Variants in C9orf72 observed in about 807,000 individuals in gnomAD.
C9orf72 encodes C9orf72-SMCR8 complex subunit.
C9orf72 carries 44 observed loss-of-function variants against 51.6 expected under a neutral mutation model. The observed-to-expected ratio is 0.85, with a 90% confidence interval of 0.67 to 1.10. The LOEUF (loss-of-function observed/expected upper bound fraction) is 1.10, where lower values mean the gene tolerates loss of function less well. Among genes scored for constraint, C9orf72 ranks in the 50% least tolerant of loss-of-function variants. C9orf72 has a pLI of 0.00. For synonymous variants in C9orf72, 213 were observed against 194.2 expected, an observed-to-expected ratio of 1.10 and a Z score of -0.81; for missense variants, 607 against 570.6, an observed-to-expected ratio of 1.06 and a Z score of -0.65.
At chr9:27,553,513 T>C (rs1009676089) in intron 8 of C9orf72, among the ~76,000 whole-genome samples, 1 of 152,098 alleles carries the variant, frequency 6.6e-6, no homozygotes, top group African/African-American at 2.4e-5. Context: ...GCCATAGGAA[T>C]TGGAGTGAAA....
chr9:27,570,954 T>C (rs1320023783), intron 1 of C9orf72, among the ~76,000 whole-genome samples: 2 of 152,088 alleles, frequency 1.3e-5, no homozygotes, highest in African/African-American at 2.4e-5. Context: ...TAGTTTTAAA[T>C]CCTACCAAAA....
At chr9:27,559,533 A>G (rs1819290773) in intron 6 of C9orf72, 1 of 152,164 alleles carries the variant, frequency 6.6e-6, no homozygotes, top group Non-Finnish European at 1.5e-5. Context: ...AATTATGAAT[A>G]TCTTTGTAAA....
intron 3 of C9orf72, among the ~76,000 whole-genome samples, chr9:27,563,793 TGTTTTTA>T (rs1819405081): frequency 6.6e-6 from 1 of 152,186 alleles, no homozygotes; most frequent in Non-Finnish European, 1.5e-5. Context: ...AACTATTCAC[TGTTTTTA>T]GTTTTTAAAG....
chr9:27,565,441 T>C, intron 3 of C9orf72, 90 bp downstream of exon 3: 1 of 760,032 alleles, frequency 1.3e-6, no homozygotes, highest in South Asian at 1.8e-5. Context: ...CTTATTCGTA[T>C]GTCTCCAAGG....
rs568893115 is a variant in C9orf72, at chr9:27,561,356, T to A, written c.665+229A>T. 4 of 1,277,760 alleles carry A rather than the reference T, an allele frequency of 3.1e-6. No individual in the cohort carries two copies. The South Asian group carries it at 7.9e-5, about 25-fold the overall frequency. The allele number at this position is 1,277,760 out of a possible 1,614,324, so 79.2% of individuals were successfully genotyped here. ...TCAAGCAAGGGGCCATGATTTCTTG[T>A]CTGGGATGGAAACTCGGTTTCTTTA... On this transcript the variant is annotated intron_variant, in intron 5 of 10. Coordinates refer to ENST00000380003, the MANE Select transcript of C9orf72 (RefSeq NM_018325.5).
At chr9:27,561,309 GAAGT>G (rs1819341180) in intron 5 of C9orf72, 2 of 1,201,224 alleles carry the variant, frequency 1.7e-6, no homozygotes, top group South Asian at 4.1e-5. Flanking sequence ...GCTTTAATGA[GAAGT>G]AAAACAAGAA....
rs1255451297 is a variant in C9orf72, at chr9:27,560,882, A to G, written c.666-583T>C. On this transcript the variant is annotated intron_variant, in intron 5 of 10. Transcript: ENST00000380003. ...ACAGAATATAAGATAATACATGTAA[A>G]GCAACTAGTAAAGGAACTAACATGT... The G allele has an allele frequency of 3.5e-5, 20 of 567,052 alleles. No individual in the cohort carries two copies. The Admixed American group carries it at 1.3e-3, about 36-fold the overall frequency. 35.1% of individuals were successfully genotyped at this position (567,052 alleles called of 1,614,324 possible).
intron 6 of C9orf72, 200 bp from the exon 7 acceptor site, chr9:27,558,807 T>C (rs1819271802): frequency 8.6e-6 from 4 of 467,234 alleles, no homozygotes; most frequent in Non-Finnish European, 1.5e-5. Flanking sequence ...ATTTAGAAAA[T>C]GCTTGGTAAA....
In C9orf72 at chr9:27,558,505, G is replaced by C; in HGVS notation, c.841C>G (p.Gln281Glu). 1 of 1,582,670 alleles carries C rather than the reference G, an allele frequency of 6.3e-7. No individual in the cohort carries two copies. The highest frequency in any genetic ancestry group is 8.6e-7 in the Non-Finnish European group (1 of 1,158,446). Residue 281 changes from glutamine (Q) to glutamate (E), a missense_variant, in exon 7 of 11, where the codon CAA becomes GAA. Coordinates refer to ENST00000380003, the MANE Select transcript of C9orf72 (RefSeq NM_018325.5). Reference sequence around the variant, plus strand: ...AGAAACTATACCTTTAGCAGGCCTTGTACAAAGAGCCCTGACTCATATTTA... The same window carrying C: ...AGAAACTATACCTTTAGCAGGCCTTCTACAAAGAGCCCTGACTCATATTTA... ...SFKYESGLFV[Q>E]GLLKDSTGSF...
intron 1 of C9orf72, among the ~76,000 whole-genome samples, chr9:27,569,966 A>T (rs778539676): frequency 9.8e-4 from 150 of 152,362 alleles, no homozygotes; most frequent in Non-Finnish European, 1.7e-3. Context: ...ACAGAGCATT[A>T]GATGAGTGCT....
upstream of C9orf72, chr9:27,573,545 C>A: frequency 6.9e-6 from 1 of 145,496 alleles, no homozygotes; most frequent in South Asian, 2.0e-4. Flanking sequence ...GGCCCCGGCC[C>A]CTAGCGCGCG....
At chr9:27,561,678 AGTCTGGCTGT>A (rs1819353673) in intron 4 of C9orf72, 29 bp from the exon 5 acceptor site, 1 of 1,417,414 alleles carries the variant, frequency 7.1e-7, no homozygotes. Context: ...TAAAAAAATT[AGTCTGGCTGT>A]AACATAGTGT....
At chr9:27,562,343 A>C in intron 4 of C9orf72, 38 bp downstream of exon 4, 1 of 1,043,604 alleles carries the variant, frequency 9.6e-7, no homozygotes, top group Non-Finnish European at 1.4e-6. Flanking sequence ...AACCCCAAAA[A>C]ACTCATAAAG....
At chr9:27,568,337 T>C (rs905442612) in intron 1 of C9orf72, among the ~76,000 whole-genome samples, 3 of 152,166 alleles carry the variant, frequency 2.0e-5, no homozygotes, top group Non-Finnish European at 4.4e-5. Flanking sequence ...TTTAAAAGCT[T>C]TAGTTATTTA....
At chr9:27,565,716 A>T in intron 2 of C9orf72, 126 bp from the exon 3 acceptor site, 1 of 620,504 alleles carries the variant, frequency 1.6e-6, no homozygotes. Flanking sequence ...TTTAGGGAAA[A>T]AATGGGGGCA....
At chr9:27,556,350 A>T (rs1047384688) in intron 8 of C9orf72, 1 of 575,510 alleles carries the variant, frequency 1.7e-6, no homozygotes, top group African/African-American at 1.9e-5. Flanking sequence ...ATTTACTTTA[A>T]GGGTTAATCT....
At chr9:27,549,218 T>A (rs1563898276) in intron 9 of C9orf72, among the ~76,000 whole-genome samples, 1 of 152,224 alleles carries the variant, frequency 6.6e-6, no homozygotes, top group Non-Finnish European at 1.5e-5. Context: ...TCAGAATACA[T>A]CCATGTTTAC....
intron 6 of C9orf72, 92 bp from the exon 7 acceptor site, chr9:27,558,699 C>T (rs1819269586): frequency 3.0e-6 from 2 of 657,188 alleles, no homozygotes; most frequent in South Asian, 3.9e-5. Context: ...TTGTTATTAT[C>T]AATAAAACAT....
At chr9:27,562,504 G>A in intron 3 of C9orf72, 28 bp from the exon 4 acceptor site, 4 of 1,172,244 alleles carry the variant, frequency 3.4e-6, no homozygotes, top group South Asian at 1.5e-5. Context: ...ATGAAGTGAA[G>A]AAAATCACGT....
Sources: gnomAD v4.1 joint callset for allele counts (sites outside exome capture counted in the v4.1 genomes callset) on GRCh38, gnomAD v4.1.1 for gene constraint, MANE v1.5 for transcripts, NCBI Gene and HGNC (gene_info 2026-07-23, HGNC 2026-07-21) for gene names.